The following RUNX1 variants were observed in gnomAD, a reference collection of about 807,000 sequenced individuals.
RUNX1 encodes runt-related transcription factor 1.
Under a neutral mutation model 42.8 loss-of-function variants are expected in RUNX1, and 19 were observed. The ratio of observed to expected loss-of-function variants is 0.44; its 90% CI spans 0.31 to 0.65. The LOEUF is 0.65. Ranked by LOEUF, RUNX1 falls within the 30% of genes least tolerant of loss-of-function variation. The pLI is 0.07. For synonymous variants in RUNX1, 271 were observed against 289.4 expected (o/e 0.94, Z 0.64); for missense variants, 528 against 672.0 (o/e 0.79, Z 2.37).
intron 7 of RUNX1, among the ~76,000 whole-genome samples, chr21:34,831,479 A>T (rs2057063371): frequency 6.6e-6 from 1 of 152,162 alleles, no homozygotes; most frequent in Non-Finnish European, 1.5e-5. Context: ...GAGTCAGAGG[A>T]GCTGGCATAA....
chr21:34,978,937 TACACACACACACACAC>T (rs10673190), intron 2 of RUNX1, among the ~76,000 whole-genome samples: 2 of 134,054 alleles, frequency 1.5e-5, no homozygotes, highest in African/African-American at 2.9e-5. Context: ...CACACACAGA[TACACACACACACACAC>T]ACACACACAC....
intron 7 of RUNX1, among the ~76,000 whole-genome samples, chr21:34,832,441 T>C (rs2057076901): frequency 1.3e-5 from 2 of 152,188 alleles, no homozygotes; most frequent in African/African-American, 4.8e-5. Flanking sequence ...CCTTTAAAAA[T>C]GCTTAAGACT....
chr21:34,917,233 G>A (rs186607717), intron 2 of RUNX1, among the ~76,000 whole-genome samples: 1 of 152,300 alleles, frequency 6.6e-6, no homozygotes, highest in Admixed American at 6.5e-5. Context: ...TCGGCCAACT[G>A]GGAGATAGGG....
rs1376125870 is a variant in RUNX1, at chr21:34,907,989, C to T, written c.59-15026G>A. On this transcript the variant is annotated intron_variant, in intron 2 of 8. Coordinates refer to ENST00000675419, the MANE Select transcript of RUNX1 (RefSeq NM_001754.5). The surrounding 1 kb of genome is among the most constrained non-coding windows in gnomAD (Gnocchi z 5.3). ...CGAAACAGTGGCTGATCTGGGACCC[C>T]CTGACCTGTGAATTTGTGGTCCACC... Among the ~76,000 whole-genome samples, 1 of 152,142 alleles carries T rather than the reference C, an allele frequency of 6.6e-6. No individual in the cohort carries two copies. Among genetic ancestry groups the T allele is most frequent in the East Asian group, 1.9e-4 (1 of 5,194 alleles).
chr21:35,015,891 A>G (rs1226754849), intron 2 of RUNX1, among the ~76,000 whole-genome samples: 1 of 152,202 alleles, frequency 6.6e-6, no homozygotes, highest in Non-Finnish European at 1.5e-5. Context: ...CTCAGTCTTT[A>G]TGACTCCAGT....
At chr21:34,852,340 G>A (rs539207714) in intron 6 of RUNX1, among the ~76,000 whole-genome samples, 34 of 152,182 alleles carry the variant, frequency 2.2e-4, no homozygotes, top group East Asian at 1.9e-4. Context: ...TTCCCTTCAC[G>A]GTCCTCTTAG....
chr21:35,029,025 C>G (rs1010334058), intron 2 of RUNX1, among the ~76,000 whole-genome samples: 1 of 152,128 alleles, frequency 6.6e-6, no homozygotes. Context: ...CACTTGAAAT[C>G]AAGGTCACCA....
At chr21:34,987,555 T>C (rs1336099248) in intron 2 of RUNX1, among the ~76,000 whole-genome samples, 1 of 152,200 alleles carries the variant, frequency 6.6e-6, no homozygotes, top group Non-Finnish European at 1.5e-5. Context: ...TTAGCACCAC[T>C]GTCCTTTTCA....
At chr21:34,865,182 A>G (rs1427988934) in intron 5 of RUNX1, among the ~76,000 whole-genome samples, 2 of 152,020 alleles carry the variant, frequency 1.3e-5, no homozygotes, top group African/African-American at 4.8e-5. Context: ...AGACATGATA[A>G]AGGTGATTCC....
In RUNX1 at chr21:34,821,400, C is replaced by T. The variant is rs936878778; in HGVS notation, c.805+13010G>A. 1.1e-5 allele frequency: 14 copies of T among 1,282,716 alleles called. No individual in the cohort carries two copies. In the East Asian group the frequency reaches 3.9e-4, roughly 36 times the overall value. 79.5% of individuals were successfully genotyped at this position (1,282,716 alleles called of 1,614,324 possible). A position where few individuals can be genotyped will look rare whatever the true frequency, so the allele number is the denominator to read the frequency against. Reference sequence around the variant, plus strand: ...GAAGGATTAATAAATACACACAATGCTTCCCATGTGCTGTGCATCAAGTGA... The same window carrying T: ...GAAGGATTAATAAATACACACAATGTTTCCCATGTGCTGTGCATCAAGTGA... On this transcript the variant is annotated intron_variant, in intron 7 of 8. Transcript: ENST00000675419.
intron 5 of RUNX1, among the ~76,000 whole-genome samples, chr21:34,862,605 A>G (rs1288499005): frequency 6.6e-6 from 1 of 152,036 alleles, no homozygotes; most frequent in East Asian, 1.9e-4. Context: ...CCTGACTTGC[A>G]GCTGCAGCAC....
At chr21:34,809,817 G>A (rs531699248) in intron 7 of RUNX1, among the ~76,000 whole-genome samples, 19 of 152,302 alleles carry the variant, frequency 1.2e-4, no homozygotes, top group African/African-American at 3.8e-4. Context: ...GCCTTAGGGT[G>A]TCAGCACGCA....
chr21:34,946,756 C>A (rs766578722), intron 2 of RUNX1, among the ~76,000 whole-genome samples: 7 of 152,110 alleles, frequency 4.6e-5, no homozygotes, highest in African/African-American at 7.2e-5. Flanking sequence ...GATGGGGTGG[C>A]AGTCATAAGT....
At chr21:34,819,443 G>A (rs1464908928) in intron 7 of RUNX1, among the ~76,000 whole-genome samples, 4 of 152,182 alleles carry the variant, frequency 2.6e-5, no homozygotes, top group Non-Finnish European at 4.4e-5. Flanking sequence ...TGAGGAGGGA[G>A]GATTACCAAG....
chr21:34,791,976 G>A lies in RUNX1; in HGVS notation c.*159C>T, dbSNP rs901415908. 3 of 448,826 alleles carry A rather than the reference G, an allele frequency of 6.7e-6. No individual in the cohort carries two copies. Among genetic ancestry groups the A allele is most frequent in the Non-Finnish European group, 1.2e-5 (3 of 250,568 alleles). 27.8% of individuals were successfully genotyped at this position (448,826 alleles called of 1,614,324 possible). The stretch of plus-strand genomic sequence containing the variant: ...TGGGCGCAGGAGGCTGCGCGGGCCT[G>A]ACCTACAGCGAGATCCTGGCCGTCG... On this transcript the variant is annotated 3_prime_UTR_variant, in exon 9 of 9. Transcript: ENST00000675419.
At chr21:34,961,423 G>A (rs754978459) in intron 2 of RUNX1, among the ~76,000 whole-genome samples, 10 of 151,982 alleles carry the variant, frequency 6.6e-5, no homozygotes, top group Admixed American at 3.9e-4. Context: ...ACATTCATAC[G>A]TTTTCTAAAT....
chr21:34,889,696 GGCCGCTTCCCCCTGCGC>G (rs1196991058), intron 3 of RUNX1: 1 of 1,172,198 alleles, frequency 8.5e-7, no homozygotes, highest in South Asian at 1.9e-5. Context: ...GCGTGCGGGC[GGCCGCTTCCCCCTGCGC>G]CGGTCCCCGC....
chr21:34,854,761 G>T (rs1213084945), intron 6 of RUNX1, among the ~76,000 whole-genome samples: 1 of 144,362 alleles, frequency 6.9e-6, no homozygotes, highest in Non-Finnish European at 1.5e-5. Context: ...AGGACGGGCT[G>T]CCCAGAGAGC....
intron 8 of RUNX1, among the ~76,000 whole-genome samples, chr21:34,793,382 C>T (rs979894299): frequency 1.4e-4 from 21 of 151,942 alleles, no homozygotes; most frequent in African/African-American, 5.1e-4. Context: ...ATAGTATATA[C>T]TATAATATGT....
Sources: gnomAD v4.1 joint callset for allele counts (sites outside exome capture counted in the v4.1 genomes callset) on GRCh38, gnomAD v4.1.1 for gene constraint, Gnocchi (gnomAD v3.1) non-coding constraint, MANE v1.5 for transcripts, NCBI Gene and HGNC (gene_info 2026-07-23, HGNC 2026-07-21) for gene names.